RYR3: variants seen among roughly 807,000 people sequenced by gnomAD.
RYR3 encodes the protein brain ryanodine receptor-calcium release channel.
Under a neutral mutation model 584.3 loss-of-function variants are expected in RYR3, and 207 were observed. The observed-to-expected ratio is 0.35, with a 90% CI of 0.32 to 0.40. The LOEUF is 0.40. Ranked by LOEUF, RYR3 falls within the 10% of genes least tolerant of loss-of-function variation. The probability of loss-of-function intolerance (pLI) is 1.00; values close to 1 mark genes in which losing one functional copy is unlikely to be tolerated. For synonymous variants in RYR3, 2,416 were observed against 2,248.5 expected (o/e 1.07, Z -2.11); for missense variants, 5,616 against 6,089.2 (o/e 0.92, Z 2.59).
chr15:33,722,458 A>G (rs2068006844), intron 43 of RYR3: 2 of 495,254 alleles, frequency 4.0e-6, no homozygotes. Context: ...CTTTTTCTCC[A>G]TCAGTGTCAA....
At chr15:33,364,548 T>C (rs1975213751) in intron 1 of RYR3, among the ~76,000 whole-genome samples, 1 of 152,024 alleles carries the variant, frequency 6.6e-6, no homozygotes, top group Non-Finnish European at 1.5e-5. Flanking sequence ...GATAGAGTAA[T>C]GGTGGGAGAC....
chr15:33,648,275 G>A (rs1378452899), intron 30 of RYR3, among the ~76,000 whole-genome samples: 1 of 152,158 alleles, frequency 6.6e-6, no homozygotes, highest in Non-Finnish European at 1.5e-5. Context: ...TGAATACCTG[G>A]CAGTGTCAAG....
At chr15:33,468,264 A>G (rs986565368) in intron 1 of RYR3, among the ~76,000 whole-genome samples, 11 of 152,224 alleles carry the variant, frequency 7.2e-5, no homozygotes, top group African/African-American at 2.7e-4. Context: ...GTGACTGGCC[A>G]TTAAATATTC....
chr15:33,568,569 C>T (rs1027746684), intron 12 of RYR3, among the ~76,000 whole-genome samples: 1 of 151,978 alleles, frequency 6.6e-6, no homozygotes, highest in African/African-American at 2.4e-5. Flanking sequence ...TAGCTGTGAC[C>T]ACACATAAAT....
At chr15:33,788,520 TA>T (rs2074883647) in intron 67 of RYR3, 62 bp downstream of exon 67, 4 of 1,579,160 alleles carry the variant, frequency 2.5e-6, no homozygotes, top group Non-Finnish European at 3.5e-6. Flanking sequence ...GGCAACAGAA[TA>T]AAATGGAAAG....
intron 3 of RYR3, among the ~76,000 whole-genome samples, chr15:33,522,926 T>C (rs1040037093): frequency 6.6e-6 from 1 of 152,132 alleles, no homozygotes; most frequent in African/African-American, 2.4e-5. Flanking sequence ...GAAAAAAATA[T>C]CCGTGTTACC....
At chr15:33,454,306 G>A (rs989671001) in intron 1 of RYR3, among the ~76,000 whole-genome samples, 11 of 152,172 alleles carry the variant, frequency 7.2e-5, no homozygotes, top group African/African-American at 2.7e-4. Context: ...GTTTAAACCT[G>A]ACTGTTATCC....
chr15:33,324,611 C>T (rs890883200), intron 1 of RYR3, among the ~76,000 whole-genome samples: 1 of 152,148 alleles, frequency 6.6e-6, no homozygotes, highest in Admixed American at 6.5e-5. Context: ...ACTTTGCAAG[C>T]GTTCAGGGGC....
At chr15:33,430,199 G>A (rs1437057697) in intron 1 of RYR3, among the ~76,000 whole-genome samples, 2 of 152,242 alleles carry the variant, frequency 1.3e-5, no homozygotes, top group East Asian at 1.9e-4. Flanking sequence ...TGCAGTGAGC[G>A]AAAATGAGGC....
chr15:33,605,287 T>C (rs1451957666), intron 18 of RYR3, among the ~76,000 whole-genome samples: 1 of 152,202 alleles, frequency 6.6e-6, no homozygotes, highest in Non-Finnish European at 1.5e-5. Flanking sequence ...AGGGCTACTC[T>C]GTGCATTTCA....
At chr15:33,791,255 A>G (rs575911164) in intron 67 of RYR3, among the ~76,000 whole-genome samples, 2 of 152,280 alleles carry the variant, frequency 1.3e-5, no homozygotes, top group East Asian at 3.9e-4. Flanking sequence ...GGGGCTATGA[A>G]CATGTAAGAG....
chr15:33,408,955 C>T (rs1347160303), intron 1 of RYR3, among the ~76,000 whole-genome samples: 1 of 152,182 alleles, frequency 6.6e-6, no homozygotes, highest in African/African-American at 2.4e-5. Context: ...ACAAATCTGT[C>T]AGAGGGGAAG....
rs1483404060 is a variant in RYR3, at chr15:33,624,036, T to G, written c.2574+13T>G. 1.3e-6 allele frequency: 2 copies of G among 1,597,548 alleles called. No homozygotes were observed. The highest frequency in any genetic ancestry group is 1.7e-6 in the Non-Finnish European group (2 of 1,165,918). ...AGACACCAGTCAGGTAGGTTCAAAT[T>G]GCCCGCAGAAGGCAACCAATATAGA... On this transcript the variant is annotated intron_variant, in intron 20 of 103. Coordinates refer to ENST00000634891, the MANE Select transcript of RYR3 (RefSeq NM_001036.6).
At chr15:33,664,575 A>ATGTGTGTG (rs577820015) in intron 36 of RYR3, among the ~76,000 whole-genome samples, 36 of 98,652 alleles carry the variant, frequency 3.6e-4, no homozygotes, top group Middle Eastern at 0.01. Flanking sequence ...ATATAGATAT[A>ATGTGTGTG]TGTGTGTGTG....
chr15:33,789,986 C>CTTTTTTTTTTTTTTTTTTTTTT lies in RYR3; in HGVS notation c.9830+1530_9830+1551dup, dbSNP rs757370991. Reference sequence around the variant, plus strand: ...GGCGTGAGCCACCACGCCTGGCCTTCTTTTTTTTTTTTTTTTTTTTTTTGA... The same window carrying CTTTTTTTTTTTTTTTTTTTTTT: ...GGCGTGAGCCACCACGCCTGGCCTTCTTTTTTTTTTTTTTTTTTTTTTTTTTTTTTTTTTTTTTTTTTTTTGA... On this transcript the variant is annotated intron_variant, in intron 67 of 103. Transcript: ENST00000634891. 3.0e-4 allele frequency among the ~76,000 whole-genome samples: 16 copies of CTTTTTTTTTTTTTTTTTTTTTT among 53,256 alleles called. 5 individuals are homozygous for CTTTTTTTTTTTTTTTTTTTTTT. Among genetic ancestry groups the CTTTTTTTTTTTTTTTTTTTTTT allele is most frequent in the African/African-American group, 1.4e-3 (13 of 9,428 alleles). 34.9% of individuals were successfully genotyped at this position (53,256 alleles called of 152,430 possible).
chr15:33,625,791 T>C (rs919114865), intron 20 of RYR3, among the ~76,000 whole-genome samples: 18 of 152,230 alleles, frequency 1.2e-4, no homozygotes, highest in African/African-American at 4.3e-4. Context: ...AGAGCCTGTT[T>C]AGGTGTGATG....
chr15:33,456,279 C>T (rs2047549162), intron 1 of RYR3, among the ~76,000 whole-genome samples: 1 of 152,168 alleles, frequency 6.6e-6, no homozygotes, highest in African/African-American at 2.4e-5. Context: ...TGAATAACTT[C>T]AACAGAGCCC....
intron 27 of RYR3, among the ~76,000 whole-genome samples, chr15:33,639,112 A>G (rs71462875): frequency 0.17 from 25,163 of 152,114 alleles, 2,334 homozygotes; most frequent in African/African-American, 0.22. Flanking sequence ...GAGGAATACT[A>G]TAGAGGGGAG....
rs138629212 is a variant in RYR3, at chr15:33,788,221, A to G, written c.9593A>G (p.Tyr3198Cys). Residue 3198 changes from tyrosine (Y) to cysteine (C), a missense_variant, in exon 67 of 104, where the codon TAT becomes TGT. Around this residue, in one of 9 missense-constraint regions of RYR3, gnomAD observed 954 missense variants for 1,132.2 expected, o/e 0.84. Coordinates refer to ENST00000634891, the MANE Select transcript of RYR3 (RefSeq NM_001036.6). ...EASWMKRIAV[Y>C]AQPIISKARP... ...GGGAGGCTCTTTGTAAACGCAGTGT[A>G]TGCACAGCCCATCATCAGCAAAGCC... is the stretch of plus-strand genomic sequence containing the variant. 1.1e-5 allele frequency: 17 copies of G among 1,613,938 alleles called. No individual in the cohort carries two copies. In the East Asian group the frequency reaches 3.1e-4, roughly 30 times the overall value.
Sources: allele counts gnomAD v4.1 joint callset (sites outside exome capture counted in the v4.1 genomes callset), GRCh38; gene constraint gnomAD v4.1.1; regional missense constraint gnomAD v4.1.1; transcripts MANE v1.5; gene names NCBI Gene and HGNC (gene_info 2026-07-23, HGNC 2026-07-21).